EPSTI1: variants seen among roughly 807,000 people sequenced by gnomAD.
The protein encoded by EPSTI1 is epithelial stromal interaction 1.
EPSTI1 carries 66 observed loss-of-function variants against 49.9 expected under a neutral mutation model. That is an observed-to-expected ratio of 1.32 (90% CI 1.08 to 1.62). EPSTI1 has a LOEUF of 1.62. Among genes scored for constraint, EPSTI1 ranks in the 40% most tolerant of loss-of-function variants. The pLI is 0.00. For synonymous variants in EPSTI1, 137 were observed against 130.7 expected (o/e 1.05, Z -0.33); for missense variants, 394 against 365.5 (o/e 1.08, Z -0.64).
chr13:42,889,080 C>G, intron 10 of EPSTI1: 1 of 741,018 alleles, frequency 1.3e-6, no homozygotes, highest in South Asian at 1.6e-5. Context: ...TCTCAGGTTG[C>G]CTCATTGGTC....
intron 10 of EPSTI1, among the ~76,000 whole-genome samples, chr13:42,889,037 T>C (rs2036950569): frequency 6.6e-6 from 1 of 152,172 alleles, no homozygotes. Context: ...TACACACCAT[T>C]GCTGTTTCTT....
chr13:42,888,121 T>G lies in EPSTI1; in HGVS notation c.*373A>C. The G allele has an allele frequency of 2.5e-5, 28 of 1,138,630 alleles. No homozygotes were observed. Among genetic ancestry groups the G allele is most frequent in the Non-Finnish European group, 3.1e-5 (25 of 808,932 alleles). The allele number at this position is 1,138,630 out of a possible 1,614,324, so 70.5% of individuals were successfully genotyped here. On this transcript the variant is annotated 3_prime_UTR_variant, in exon 11 of 11. Coordinates refer to ENST00000313624, the MANE Select transcript of EPSTI1 (RefSeq NM_033255.5). Reference sequence around the variant, plus strand: ...CCCCCAAAGCTTTCAAAACCTGATCTGAGAATTAGATAAGAATATGTCACT... The same window carrying G: ...CCCCCAAAGCTTTCAAAACCTGATCGGAGAATTAGATAAGAATATGTCACT...
At chr13:42,940,580 T>TG (rs2038720684) in intron 6 of EPSTI1, among the ~76,000 whole-genome samples, 1 of 152,184 alleles carries the variant, frequency 6.6e-6, no homozygotes, top group African/African-American at 2.4e-5. Context: ...TTTTTCTGTT[T>TG]GGGGTTTTTA....
chr13:42,973,790 C>T (rs1202459416), intron 1 of EPSTI1, among the ~76,000 whole-genome samples: 1 of 152,136 alleles, frequency 6.6e-6, no homozygotes, highest in Non-Finnish European at 1.5e-5. Flanking sequence ...TAGACAAGCC[C>T]AACAACCAAC....
chr13:42,910,574 A>T (rs1344392026), intron 8 of EPSTI1, among the ~76,000 whole-genome samples: 3 of 152,092 alleles, frequency 2.0e-5, no homozygotes, highest in Non-Finnish European at 2.9e-5. Flanking sequence ...ATTAAACTCC[A>T]TTTGTTCTCA....
intron 3 of EPSTI1, among the ~76,000 whole-genome samples, chr13:42,968,456 T>C (rs2039676998): frequency 6.6e-6 from 1 of 152,122 alleles, no homozygotes; most frequent in Non-Finnish European, 1.5e-5. Flanking sequence ...TTTCGGCTGC[T>C]GATAGAAGAG....
chr13:42,980,290 T>C (rs960356507), intron 1 of EPSTI1, among the ~76,000 whole-genome samples: 16 of 151,928 alleles, frequency 1.1e-4, no homozygotes, highest in African/African-American at 3.6e-4. Flanking sequence ...AGAAAAAGAG[T>C]ATCTGTCACA....
intron 2 of EPSTI1, chr13:42,969,802 C>T (rs2039722193): frequency 1.3e-5 from 2 of 152,408 alleles, no homozygotes; most frequent in South Asian, 4.2e-4. Flanking sequence ...CACTCCAGCG[C>T]CTCCCCTTAT....
At chr13:42,963,199 A>T in intron 5 of EPSTI1, 56 bp downstream of exon 5, 1 of 1,411,436 alleles carries the variant, frequency 7.1e-7, no homozygotes, top group Non-Finnish European at 9.9e-7. Flanking sequence ...AAAATCTTCT[A>T]CAACGAAACT....
chr13:42,965,502 C>T lies in EPSTI1; in HGVS notation c.332-1363G>A, dbSNP rs534778740. On this transcript the variant is annotated intron_variant, in intron 3 of 10. Transcript: ENST00000313624. ...GGATCTGCAAGGAGGTAACTGAAAC[C>T]TACCTTGGGGAACCTTAACTAACTT... Among the ~76,000 whole-genome samples, 8 of 152,266 alleles carry T rather than the reference C, an allele frequency of 5.3e-5. No individual in the cohort carries two copies. The South Asian group carries it at 1.5e-3, about 28-fold the overall frequency.
intron 1 of EPSTI1, among the ~76,000 whole-genome samples, chr13:42,975,121 A>G (rs1320122305): frequency 6.6e-6 from 1 of 152,222 alleles, no homozygotes; most frequent in Non-Finnish European, 1.5e-5. Context: ...AAGACATTCC[A>G]TATTGGTTTT....
chr13:42,970,526 G>C (rs2153433285), intron 2 of EPSTI1, 86 bp downstream of exon 2: 1 of 1,237,596 alleles, frequency 8.1e-7, no homozygotes. Context: ...CTATATAAAT[G>C]AGAAAATAAA....
intron 6 of EPSTI1, among the ~76,000 whole-genome samples, chr13:42,951,229 T>C (rs1035014098): frequency 6.6e-6 from 1 of 152,216 alleles, no homozygotes; most frequent in Non-Finnish European, 1.5e-5. Flanking sequence ...TAAGGAGGTA[T>C]GACAAAAACT....
chr13:42,939,419 T>C (rs559348154), intron 6 of EPSTI1, among the ~76,000 whole-genome samples: 26 of 127,346 alleles, frequency 2.0e-4, no homozygotes, highest in Middle Eastern at 4.4e-3. Flanking sequence ...AGCTTTTGAT[T>C]TAAAATGAGA....
intron 6 of EPSTI1, among the ~76,000 whole-genome samples, chr13:42,946,514 G>T (rs893826818): frequency 6.6e-6 from 1 of 152,086 alleles, no homozygotes; most frequent in Non-Finnish European, 1.5e-5. Flanking sequence ...GTTTAATTAC[G>T]GTACTAATCC....
rs753018513 is a variant in EPSTI1, at chr13:42,900,361, C to T, written c.764G>A (p.Arg255Gln). Residue 255 changes from arginine (R) to glutamine (Q), a missense_variant, in exon 9 of 11, where the codon CGG becomes CAG. Coordinates refer to ENST00000313624, the MANE Select transcript of EPSTI1 (RefSeq NM_033255.5). ...HQKSELLELK[R>Q]QQQEQERAKI... is the part of the protein sequence containing the mutation. ...GGCTCTTTCTTGCTCTTGCTGCTGCCGTTTCAGTTCCAGTAATTCACTCTA... is the reference window on the plus strand; with the variant it reads ...GGCTCTTTCTTGCTCTTGCTGCTGCTGTTTCAGTTCCAGTAATTCACTCTA... 1.1e-5 allele frequency: 17 copies of T among 1,613,376 alleles called. No individual in the cohort carries two copies. The highest frequency in any genetic ancestry group is 5.0e-5 in the Admixed American group (3 of 59,960).
chr13:42,921,334 T>C (rs1324662721), intron 7 of EPSTI1, among the ~76,000 whole-genome samples: 1 of 152,122 alleles, frequency 6.6e-6, no homozygotes, highest in Non-Finnish European at 1.5e-5. Context: ...AGAAGAGCAA[T>C]GCCTCAAAAT....
chr13:42,917,638 A>ACG lies in EPSTI1; in HGVS notation c.658-15_658-14insCG. 5.0e-6 allele frequency: 5 copies of ACG among 990,222 alleles called. No homozygotes were observed. The highest frequency in any genetic ancestry group is 7.4e-6 in the Non-Finnish European group (5 of 680,180). The allele number at this position is 990,222 out of a possible 1,614,324, so 61.3% of individuals were successfully genotyped here. ...CCAGCTTCTGGCCTGTAAAGGTACA[A>ACG]AGAGAAAAAAAAAAAAAAAAACAAC... On this transcript the variant is annotated splice_polypyrimidine_tract_variant and intron_variant, in intron 7 of 10. Transcript: ENST00000313624.
At chr13:42,977,154 C>G (rs1033984306) in intron 1 of EPSTI1, among the ~76,000 whole-genome samples, 4 of 152,212 alleles carry the variant, frequency 2.6e-5, no homozygotes, top group Non-Finnish European at 4.4e-5. Flanking sequence ...ATACTCTGAA[C>G]AGGAATGTGG....
Sources: allele counts gnomAD v4.1 joint callset (sites outside exome capture counted in the v4.1 genomes callset), GRCh38; gene constraint gnomAD v4.1.1; transcripts MANE v1.5; gene names NCBI Gene and HGNC (gene_info 2026-07-23, HGNC 2026-07-21).